Variants in GATB observed in about 807,000 individuals in gnomAD.
GATB encodes the protein glutamyl-tRNA amidotransferase subunit B, also known as glutamyl-tRNA(Gln) amidotransferase subunit B, mitochondrial.
In GATB, 39 loss-of-function variants were observed where a neutral mutation model predicts 62.3. The ratio of observed to expected loss-of-function variants is 0.63; its 90% CI spans 0.48 to 0.82. GATB has a LOEUF of 0.82. GATB is among the 40% of genes least tolerant of loss of function. The pLI, the probability that GATB is intolerant of heterozygous loss-of-function variation, is 0.00. For synonymous variants in GATB, 276 were observed against 258.9 expected (o/e 1.07, Z -0.63); for missense variants, 670 against 684.0 (o/e 0.98, Z 0.23).
At chr4:151,680,585 A>G (rs539140827) in intron 10 of GATB, among the ~76,000 whole-genome samples, 1 of 152,342 alleles carries the variant, frequency 6.6e-6, no homozygotes, top group Non-Finnish European at 1.5e-5. Context: ...AATTCACTTG[A>G]AGGTGAATTA....
At chr4:151,746,754 C>T (rs1353007919) in intron 2 of GATB, among the ~76,000 whole-genome samples, 4 of 152,012 alleles carry the variant, frequency 2.6e-5, no homozygotes, top group Admixed American at 6.5e-5. Flanking sequence ...CTAATCAGAA[C>T]GGGGAGGGGG....
chr4:151,722,556 C>T (rs992807137), intron 2 of GATB: 2 of 240,892 alleles, frequency 8.3e-6, no homozygotes, highest in African/African-American at 4.6e-5. Context: ...CCGTGCTGAT[C>T]TTCTGATTCT....
intron 8 of GATB, among the ~76,000 whole-genome samples, 198 bp from the exon 9 acceptor site, chr4:151,701,716 C>A (rs1277461858): frequency 6.6e-6 from 1 of 152,176 alleles, no homozygotes; most frequent in East Asian, 1.9e-4. Flanking sequence ...CCACCCCTCT[C>A]CATGCTTATA....
chr4:151,719,523 ACCT>A lies in GATB; in HGVS notation c.340_342del (p.Arg114del), dbSNP rs1251725392. 1.2e-6 allele frequency: 2 copies of A among 1,606,682 alleles called. No homozygotes were observed. Among genetic ancestry groups the A allele is most frequent in the Non-Finnish European group, 1.7e-6 (2 of 1,176,744 alleles). Reference sequence around the variant, plus strand: ...CCTGTCATCACCGCCGCTTCTACACACCTCCTGTTGAGAACCTATGGGAACACA... The same window carrying A: ...CCTGTCATCACCGCCGCTTCTACACACCTGTTGAGAACCTATGGGAACACA... On this transcript the variant is annotated inframe_deletion, in exon 3 of 13. Transcript: ENST00000263985.
At chr4:151,672,231 A>G (rs1208271997) in intron 12 of GATB, among the ~76,000 whole-genome samples, 2 of 152,208 alleles carry the variant, frequency 1.3e-5, no homozygotes, top group Admixed American at 1.3e-4. Flanking sequence ...TGCTGTGCTA[A>G]GAACACAAAA....
chr4:151,720,133 C>T (rs1437703560), intron 2 of GATB: 1 of 152,324 alleles, frequency 6.6e-6, no homozygotes, highest in Non-Finnish European at 1.5e-5. Flanking sequence ...CTCCGTGCTG[C>T]TGGTCTCTCT....
intron 8 of GATB, 99 bp downstream of exon 8, chr4:151,703,752 C>G (rs2126970026): frequency 1.1e-6 from 1 of 876,178 alleles, no homozygotes. Context: ...AAAGTGGTTT[C>G]TAAAAATTGT....
At chr4:151,731,712 C>T (rs1048283962) in intron 2 of GATB, among the ~76,000 whole-genome samples, 16 of 151,334 alleles carry the variant, frequency 1.1e-4, no homozygotes, top group Admixed American at 5.9e-4. Context: ...ATGTGGGGAG[C>T]GCCTCTGCCC....
chr4:151,679,987 G>T, intron 10 of GATB, 96 bp from the exon 11 acceptor site: 1 of 1,063,352 alleles, frequency 9.4e-7, no homozygotes, highest in Non-Finnish European at 1.5e-6. Context: ...TCTAGTGGGG[G>T]TAAATATCGG....
chr4:151,681,485 C>T (rs1414884390), intron 10 of GATB, among the ~76,000 whole-genome samples: 2 of 152,112 alleles, frequency 1.3e-5, no homozygotes, highest in Non-Finnish European at 2.9e-5. Context: ...AAAGGCAGGC[C>T]GGATTTTTCT....
chr4:151,736,850 C>T (rs563790592), intron 2 of GATB, among the ~76,000 whole-genome samples: 6 of 152,272 alleles, frequency 3.9e-5, no homozygotes, highest in Admixed American at 6.5e-5. Flanking sequence ...AATTTCCTTG[C>T]GCAAGCTCTC....
intron 10 of GATB, among the ~76,000 whole-genome samples, chr4:151,687,602 A>T (rs1282415088): frequency 2.6e-5 from 4 of 152,174 alleles, no homozygotes; most frequent in African/African-American, 7.2e-5. Flanking sequence ...TCCCACCCCA[A>T]ATTCCTATAT....
intron 2 of GATB, among the ~76,000 whole-genome samples, chr4:151,734,867 T>C (rs1739339227): frequency 6.6e-6 from 1 of 152,152 alleles, no homozygotes; most frequent in Non-Finnish European, 1.5e-5. Context: ...GCTGTGATAA[T>C]TGGTTAGCCA....
chr4:151,727,095 A>G (rs956102595), intron 2 of GATB, among the ~76,000 whole-genome samples: 3 of 152,110 alleles, frequency 2.0e-5, no homozygotes, highest in Admixed American at 2.0e-4. Flanking sequence ...TTTTTAATTT[A>G]TATTTTGAAG....
intron 2 of GATB, among the ~76,000 whole-genome samples, chr4:151,752,131 C>T (rs1179504692): frequency 6.6e-6 from 1 of 152,134 alleles, no homozygotes; most frequent in Non-Finnish European, 1.5e-5. Flanking sequence ...TGGTTCCATT[C>T]TCTTACAGGT....
intron 11 of GATB, among the ~76,000 whole-genome samples, chr4:151,678,390 A>G (rs1443863971): frequency 1.3e-5 from 2 of 152,062 alleles, no homozygotes; most frequent in East Asian, 3.9e-4. Flanking sequence ...GGAAAAGGGG[A>G]AGGTTTTTCC....
rs137970748 is a variant in GATB, at chr4:151,671,237, C to T, written c.1611G>A (p.Ala537=). The part of the protein sequence containing the change: ...INKLIGLVRK[A]TQSRADPVMI... ...TGACTGGATCTGCTCGGCTTTGAGT[C>T]GCTTTCCGGACCAACCCAATCAGTT... Residue 537 remains alanine, a synonymous_variant, in exon 13 of 13, where the codon GCG becomes GCA. Transcript: ENST00000263985. The T allele has an allele frequency of 2.5e-4, 405 of 1,614,092 alleles. 1 individual carries two copies. In the African/African-American group the frequency reaches 3.1e-3, roughly 12 times the overall value.
chr4:151,721,145 G>GTAACTGTAGTCCCAGTTACTTGGGAGGCT (rs1739023699), intron 2 of GATB: 1 of 152,284 alleles, frequency 6.6e-6, no homozygotes, highest in African/African-American at 2.4e-5. Flanking sequence ...GGCTGAGGCA[G>GTAACTGTAGTCCCAGTTACTTGGGAGGCT]GAGAATCACT....
Position 151,705,206 on chromosome 4 carries a change from C to A in GATB, c.941G>T (p.Arg314Leu), listed in dbSNP as rs562483671. Reference protein sequence around the residue: ...ENGGEILNETRSFHHKLGCTM... With the variant: ...ENGGEILNETLSFHHKLGCTM... Reference sequence around the variant, plus strand: ...TCACCCCAGCTTGTGATGAAATGAGCGTGTTTCGTTCAGAATTTCACCTCC... The same window carrying A: ...TCACCCCAGCTTGTGATGAAATGAGAGTGTTTCGTTCAGAATTTCACCTCC... The change falls in exon 7 of 13, where the codon CGC becomes CTC. Residue 314 changes from arginine to leucine, a missense_variant. Physicochemically the swap from Arg to Leu is moderately radical, Grantham distance 102 (BLOSUM62 -2). Coordinates refer to ENST00000263985, the MANE Select transcript of GATB (RefSeq NM_004564.3). The A allele has an allele frequency of 2.5e-5, 40 of 1,612,938 alleles. No homozygotes were observed. Among genetic ancestry groups the A allele is most frequent in the South Asian group, 4.4e-5 (4 of 91,038 alleles).
Sources: allele counts gnomAD v4.1 joint callset (sites outside exome capture counted in the v4.1 genomes callset), GRCh38; gene constraint gnomAD v4.1.1; transcripts MANE v1.5; gene names NCBI Gene and HGNC (gene_info 2026-07-23, HGNC 2026-07-21).